Variants in CNN1 observed in about 807,000 individuals in gnomAD.
CNN1 encodes calponin 1.
A neutral mutation model predicts 35.3 loss-of-function variants in CNN1; 21 were observed. The observed-to-expected ratio is 0.60, with a 90% CI of 0.42 to 0.86. The LOEUF (loss-of-function observed/expected upper bound fraction) is 0.86, where lower values mean the gene tolerates loss of function less well. CNN1 is among the 40% of genes least tolerant of loss of function. The probability of loss-of-function intolerance (pLI) is 0.00; values close to 1 mark genes in which losing one functional copy is unlikely to be tolerated. For synonymous variants in CNN1, 164 were observed against 161.8 expected (o/e 1.01, Z -0.10); for missense variants, 314 against 400.8 (o/e 0.78, Z 1.85).
rs1972680197 is a variant in CNN1 at position 11,549,793 on chromosome 19, T to G, written c.892T>G (p.Ter298GluextTer38). 6.2e-7 allele frequency: 1 copy of G among 1,600,654 alleles called. No individual in the cohort carries two copies. Residue 298 changes from the stop codon to glutamate (E), a stop_lost, in exon 7 of 7, where the codon TAG becomes GAG. Transcript: ENST00000252456. The surrounding 1 kb of genome is among the most constrained non-coding windows in gnomAD (Gnocchi z 5.2). ...CGCACACAACTACTACAATTCCGCC[T>G]AGGGCCACAAGGCCTTCCCTGTTTT... ...HHAHNYYNSA[*>E]
In CNN1 at chr19:11,546,753, C is replaced by G. The variant is rs1972594473; in HGVS notation, c.252+12C>G. On this transcript the variant is annotated intron_variant, in intron 3 of 6. Coordinates refer to ENST00000252456, the MANE Select transcript of CNN1 (RefSeq NM_001299.6). The stretch of plus-strand genomic sequence containing the variant: ...AAAATTGGCACCAGGTGAGCCCAGA[C>G]ACAATCTCTTCCATCCTTGCCCGCA... 2 of 1,614,088 alleles carry G rather than the reference C, an allele frequency of 1.2e-6. No individual in the cohort carries two copies. Among genetic ancestry groups the G allele is most frequent in the Non-Finnish European group, 1.7e-6 (2 of 1,180,036 alleles).
rs1273639660 is a variant in CNN1 at position 11,538,878 on chromosome 19, G to A, written c.-50G>A. 14 of 1,460,120 alleles carry A rather than the reference G, an allele frequency of 9.6e-6. No homozygotes were observed. The highest frequency in any genetic ancestry group is 1.4e-5 in the South Asian group (1 of 72,070). The allele number at this position is 1,460,120 out of a possible 1,614,324, so 90.4% of individuals were successfully genotyped here. A position where few individuals can be genotyped will look rare whatever the true frequency, so the allele number is the denominator to read the frequency against. On this transcript the variant is annotated 5_prime_UTR_variant, in exon 1 of 7. Transcript: ENST00000252456. ...AGACGGAACTTCAGCCGCTGCCTCT[G>A]TTCTCAGCGTCAGTGCCGCCACTGC...
At position 11,539,833 on chromosome 19, in the gene CNN1, C is replaced by T. The variant is rs1972418212; in HGVS notation, c.63+843C>T. 1.4e-5 allele frequency: 17 copies of T among 1,182,514 alleles called. 1 individual carries two copies. In the South Asian group the frequency reaches 2.4e-4, roughly 17 times the overall value. 73.3% of individuals were successfully genotyped at this position (1,182,514 alleles called of 1,614,324 possible). On this transcript the variant is annotated intron_variant, in intron 1 of 6. Coordinates refer to ENST00000252456, the MANE Select transcript of CNN1 (RefSeq NM_001299.6). ...AGGAGGGGGCTGGTGGGGGGCGGGT[C>T]CTCGGGCGAGAGACAGATCCCAGCG...
In CNN1 at chr19:11,539,616, C is replaced by A. The variant is rs949153834; in HGVS notation, c.63+626C>A. The A allele has an allele frequency of 4.0e-6, 3 of 745,366 alleles. 1 individual carries two copies. The highest frequency in any genetic ancestry group is 3.7e-5 in the African/African-American group (2 of 54,634). The allele number at this position is 745,366 out of a possible 1,614,324, so 46.2% of individuals were successfully genotyped here. ...CTCACCCCCCATACACCAGGATGGG[C>A]TCAGCTTCTCCCAGCTGGAGAACTT... On this transcript the variant is annotated intron_variant, in intron 1 of 6. Transcript: ENST00000252456.
intron 1 of CNN1, 185 bp downstream of exon 1, chr19:11,539,175 T>C (rs1298842903): frequency 1.2e-4 from 141 of 1,167,772 alleles, no homozygotes; most frequent in Non-Finnish European, 1.5e-4. Flanking sequence ...CCAGCTATGG[T>C]TGGGGCTGGA....
At chr19:11,541,245 A>T in intron 2 of CNN1, 48 bp downstream of exon 2, 3 of 1,496,490 alleles carry the variant, frequency 2.0e-6, no homozygotes, top group Non-Finnish European at 2.7e-6. Flanking sequence ...CCCCAACTCC[A>T]TGCAGCCCCT....
rs550783057 is a variant in CNN1, at chr19:11,541,658, G to A, written c.185+461G>A. On this transcript the variant is annotated intron_variant, in intron 2 of 6. Transcript: ENST00000252456. Reference sequence around the variant, plus strand: ...GGCTGCAGTGCAGAGACACAATCTCGGCTCACTGCAACCTCCGCCTCCAGG... The same window carrying A: ...GGCTGCAGTGCAGAGACACAATCTCAGCTCACTGCAACCTCCGCCTCCAGG... Among the ~76,000 whole-genome samples the A allele has an allele frequency of 1.1e-3, 161 of 152,198 alleles. 2 individuals are homozygous for A. Among genetic ancestry groups the A allele is most frequent in the African/African-American group, 3.6e-3 (149 of 41,520 alleles).
chr19:11,539,354 T>A, intron 1 of CNN1: 2 of 1,080,822 alleles, frequency 1.9e-6, no homozygotes, highest in Non-Finnish European at 2.3e-6. Context: ...GGGGAGCGCT[T>A]GAGTGCTGGG....
rs763229153 is a variant in CNN1, at chr19:11,549,713, A to C, written c.812A>C (p.Lys271Thr). 6.2e-7 allele frequency: 1 copy of C among 1,614,228 alleles called. No homozygotes were observed. Among genetic ancestry groups the C allele is most frequent in the East Asian group, 2.2e-5 (1 of 44,880 alleles). ...YGLPRQVYDP[K>T]YCLTPEYPEL... is the part of the protein sequence containing the mutation. Reference sequence around the variant, plus strand: ...CTGCCACGCCAGGTCTACGACCCCAAGTACTGTCTGACTCCCGAGTACCCA... The same window carrying C: ...CTGCCACGCCAGGTCTACGACCCCACGTACTGTCTGACTCCCGAGTACCCA... Residue 271 changes from lysine to threonine, a missense_variant, in exon 7 of 7, where the codon AAG becomes ACG. Lys to Thr is a moderately conservative substitution (Grantham distance 78, BLOSUM62 -1). Coordinates refer to ENST00000252456, the MANE Select transcript of CNN1 (RefSeq NM_001299.6). This position sits in a 1 kb window ranked among gnomAD's most constrained non-coding sequence, Gnocchi z 5.2.
chr19:11,550,233 A>G lies in CNN1; in HGVS notation c.*438A>G, dbSNP rs1432268618. The G allele has an allele frequency of 5.8e-6, 1 of 173,768 alleles. No individual in the cohort carries two copies. The highest frequency in any genetic ancestry group is 2.4e-5 in the African/African-American group (1 of 42,138). The allele number at this position is 173,768 out of a possible 1,614,324, so 10.8% of individuals were successfully genotyped here. On this transcript the variant is annotated 3_prime_UTR_variant, in exon 7 of 7. Coordinates refer to ENST00000252456, the MANE Select transcript of CNN1 (RefSeq NM_001299.6). ...CGCGGTTTGGTTTGCAGCGACTGGC[A>G]TACTATGTGGATGTGACAGTGGCGT...
chr19:11,540,403 A>T (rs1157082162), intron 1 of CNN1: 1 of 152,706 alleles, frequency 6.5e-6, no homozygotes, highest in African/African-American at 2.4e-5. Flanking sequence ...CCCTGGCCAG[A>T]CAGGGACTAG....
At chr19:11,546,018 A>G (rs1972573504) in intron 2 of CNN1, among the ~76,000 whole-genome samples, 1 of 152,126 alleles carries the variant, frequency 6.6e-6, no homozygotes, top group Non-Finnish European at 1.5e-5. Flanking sequence ...TCATTAAAGG[A>G]GTGAGTCAGA....
rs929025151 is a variant in CNN1, at chr19:11,549,571, A to T, written c.670A>T (p.Thr224Ser). 6 of 1,600,026 alleles carry T rather than the reference A, an allele frequency of 3.7e-6. No individual in the cohort carries two copies. The highest frequency in any genetic ancestry group is 5.1e-6 in the Non-Finnish European group (6 of 1,169,784). ...ASQAGMTAPG[T>S]KRQIFEPGLG... ...GCAGGCTGGCATGACTGCGCCAGGG[A>T]CCAAGCGGCAGATCTTCGAGCCGGG... The change falls in exon 7 of 7, where the codon ACC becomes TCC. Residue 224 changes from threonine to serine, a missense_variant. Coordinates refer to ENST00000252456, the MANE Select transcript of CNN1 (RefSeq NM_001299.6). The surrounding 1 kb of genome is among the most constrained non-coding windows in gnomAD (Gnocchi z 5.2).
chr19:11,539,691 G>T lies in CNN1; in HGVS notation c.63+701G>T, dbSNP rs1386849289. On this transcript the variant is annotated intron_variant, in intron 1 of 6. Transcript: ENST00000252456. ...CCCCAACAGTATTGCCGAGGGAGGA[G>T]TTCCTGCCCCATTTGACAGAGGGGA... The T allele has an allele frequency of 1.7e-5, 12 of 703,476 alleles. 1 individual carries two copies. In the South Asian group the frequency reaches 1.7e-4, roughly 10 times the overall value. The allele number at this position is 703,476 out of a possible 1,614,324, so 43.6% of individuals were successfully genotyped here.
In CNN1 at chr19:11,541,214, A is replaced by T. The variant is rs780347523; in HGVS notation, c.185+17A>T. 4 of 1,540,268 alleles carry T rather than the reference A, an allele frequency of 2.6e-6. No individual in the cohort carries two copies. In the African/African-American group the frequency reaches 4.1e-5, roughly 16 times the overall value. ...TCTTTGCGAGTGAGTGAGGCTCTCG[A>T]AGCCGAGACCCTGCAACATCCCCCA... On this transcript the variant is annotated intron_variant, in intron 2 of 6. Coordinates refer to ENST00000252456, the MANE Select transcript of CNN1 (RefSeq NM_001299.6).
At position 11,549,193 on chromosome 19, in the gene CNN1, A is replaced by AAAAAAAAAAAT. The variant is rs377568799; in HGVS notation, c.502-127_502-126insAAAAAAATAAA. On this transcript the variant is annotated intron_variant, in intron 5 of 6. Coordinates refer to ENST00000252456, the MANE Select transcript of CNN1 (RefSeq NM_001299.6). This position sits in a 1 kb window ranked among gnomAD's most constrained non-coding sequence, Gnocchi z 5.2. ...ACAGAGCAAGACTCCGTCTCAAAAA[A>AAAAAAAAAAAT]AAATAAATAAAATAAAATAAAAATT... is the stretch of plus-strand genomic sequence containing the variant. 20 of 1,065,958 alleles carry AAAAAAAAAAAT rather than the reference A, an allele frequency of 1.9e-5. No individual in the cohort carries two copies. In the African/African-American group the frequency reaches 3.1e-4, roughly 17 times the overall value. 66.0% of individuals were successfully genotyped at this position (1,065,958 alleles called of 1,614,324 possible).
chr19:11,543,770 G>C (rs1302919249), intron 2 of CNN1, among the ~76,000 whole-genome samples: 2 of 130,996 alleles, frequency 1.5e-5, no homozygotes, highest in African/African-American at 5.9e-5. Context: ...GTGACAGAGC[G>C]AGACTCCGTC....
chr19:11,546,776 GCAAGCCCCTCAGA>G (rs1378399083), intron 3 of CNN1, 35 bp downstream of exon 3: 19 of 1,613,992 alleles, frequency 1.2e-5, no homozygotes, highest in Non-Finnish European at 1.6e-5. Context: ...ATCCTTGCCC[GCAAGCCCCTCAGA>G]CCTCCCCTCC....
chr19:11,547,760 C>G (rs1441576764), intron 4 of CNN1, 37 bp from the exon 5 acceptor site: 1 of 1,552,698 alleles, frequency 6.4e-7, no homozygotes, highest in East Asian at 2.3e-5. Context: ...AGCCTGGAGG[C>G]CCCCTTGTCA....
Sources: gnomAD v4.1 joint callset for allele counts (sites outside exome capture counted in the v4.1 genomes callset) on GRCh38, gnomAD v4.1.1 for gene constraint, Gnocchi (gnomAD v3.1) non-coding constraint, MANE v1.5 for transcripts, NCBI Gene and HGNC (gene_info 2026-07-23, HGNC 2026-07-21) for gene names.